The following ULK2 variants were observed in gnomAD, a reference collection of about 807,000 sequenced individuals.
ULK2 encodes unc-51 like autophagy activating kinase 2, also known as serine/threonine-protein kinase ULK2.
A neutral mutation model predicts 127.5 loss-of-function variants in ULK2; 76 were observed. The observed-to-expected ratio is 0.60, with a 90% confidence interval of 0.50 to 0.72. The LOEUF (loss-of-function observed/expected upper bound fraction) is 0.72, where lower values mean the gene tolerates loss of function less well. Among genes scored for constraint, ULK2 ranks in the 30% least tolerant of loss-of-function variants. ULK2 has a pLI of 0.00. For synonymous variants in ULK2, 452 were observed against 461.9 expected, an observed-to-expected ratio of 0.98 and a Z score of 0.28; for missense variants, 1,144 against 1,295.9, an observed-to-expected ratio of 0.88 and a Z score of 1.80.
chr17:19,847,558 T>A (rs1293954542), intron 5 of ULK2, among the ~76,000 whole-genome samples: 1 of 151,488 alleles, frequency 6.6e-6, no homozygotes, highest in Non-Finnish European at 1.5e-5. Context: ...CCGTAAATAT[T>A]TTTTTTTTGA....
At chr17:19,858,310 G>C (rs1285744226) in intron 3 of ULK2, among the ~76,000 whole-genome samples, 1 of 152,108 alleles carries the variant, frequency 6.6e-6, no homozygotes, top group Non-Finnish European at 1.5e-5. Flanking sequence ...TGAGGTGGGA[G>C]GATGGCTTAA....
chr17:19,846,838 T>C lies in ULK2; in HGVS notation c.368A>G (p.His123Arg). 1.2e-6 allele frequency: 2 copies of C among 1,614,056 alleles called. No homozygotes were observed. Among genetic ancestry groups the C allele is most frequent in the Non-Finnish European group, 1.7e-6 (2 of 1,179,982 alleles). ...HQIAAAMRILHSKGIIHRDLK... is the reference protein window; with the variant it reads ...HQIAAAMRILRSKGIIHRDLK... ...ATCTCTGTGGATGATTCCTTTGCTG[T>C]GCAGGATTCGCATGGCAGCAGCAAT... is the stretch of plus-strand genomic sequence containing the variant. Residue 123 changes from histidine (H) to arginine (R), a missense_variant, in exon 6 of 27, where the codon CAC becomes CGC. Transcript: ENST00000395544.
At chr17:19,793,167 T>C (rs1476697551) in intron 20 of ULK2, among the ~76,000 whole-genome samples, 1 of 151,882 alleles carries the variant, frequency 6.6e-6, no homozygotes, top group Non-Finnish European at 1.5e-5. Flanking sequence ...GAAGGAGAAA[T>C]GCCAAGCAAA....
At chr17:19,825,803 A>T (rs1419940957) in intron 11 of ULK2, among the ~76,000 whole-genome samples, 1 of 151,338 alleles carries the variant, frequency 6.6e-6, no homozygotes, top group African/African-American at 2.4e-5. Context: ...CCTGACCAAC[A>T]TGGAGAAACC....
intron 17 of ULK2, among the ~76,000 whole-genome samples, chr17:19,797,909 T>C (rs2087310277): frequency 1.3e-5 from 2 of 152,292 alleles, no homozygotes; most frequent in South Asian, 2.1e-4. Flanking sequence ...TTACAGGTTA[T>C]TAGCTGTTTT....
chr17:19,860,555 C>G (rs1466724113), intron 3 of ULK2, among the ~76,000 whole-genome samples: 3 of 149,316 alleles, frequency 2.0e-5, no homozygotes, highest in Non-Finnish European at 4.4e-5. Flanking sequence ...ACGGAGTTTC[C>G]CTCTTGTTGC....
At chr17:19,779,076 T>A (rs2086864768) in intron 25 of ULK2, among the ~76,000 whole-genome samples, 1 of 152,200 alleles carries the variant, frequency 6.6e-6, no homozygotes, top group South Asian at 2.1e-4. Context: ...TACAGCAATA[T>A]GATATATACT....
At chr17:19,863,233 C>T (rs2042280298) in intron 3 of ULK2, among the ~76,000 whole-genome samples, 1 of 151,542 alleles carries the variant, frequency 6.6e-6, no homozygotes, top group Admixed American at 6.6e-5. Context: ...AAAAGGTTGT[C>T]AAATGAATGA....
intron 12 of ULK2, among the ~76,000 whole-genome samples, chr17:19,823,126 A>ATT (rs3884213): frequency 1.1e-4 from 12 of 113,140 alleles, no homozygotes; most frequent in East Asian, 2.7e-4. Context: ...ACGCCTGGCT[A>ATT]TTTTTTTTTT....
intron 5 of ULK2, chr17:19,848,445 C>T (rs1363995512): frequency 2.0e-5 from 3 of 152,086 alleles, no homozygotes; most frequent in Non-Finnish European, 4.4e-5. Context: ...TTTTACATGT[C>T]CTTAACATCT....
At chr17:19,859,418 C>T (rs2042197853) in intron 3 of ULK2, among the ~76,000 whole-genome samples, 1 of 152,114 alleles carries the variant, frequency 6.6e-6, no homozygotes, top group African/African-American at 2.4e-5. Flanking sequence ...ACTTGGGAGG[C>T]TGAGGCAAGA....
chr17:19,787,893 A>G (rs1160556245), intron 20 of ULK2, among the ~76,000 whole-genome samples: 1 of 152,178 alleles, frequency 6.6e-6, no homozygotes, highest in African/African-American at 2.4e-5. Context: ...CAAGGAAATA[A>G]TCTGTGTACT....
chr17:19,853,962 A>T (rs915997595), intron 3 of ULK2, among the ~76,000 whole-genome samples: 1 of 152,206 alleles, frequency 6.6e-6, no homozygotes, highest in Non-Finnish European at 1.5e-5. Context: ...CACCACAGCA[A>T]ATCAAGTTCT....
chr17:19,849,384 C>T lies in ULK2; in HGVS notation c.280G>A (p.Ala94Thr), dbSNP rs970059365. 28 of 1,608,434 alleles carry T rather than the reference C, an allele frequency of 1.7e-5. No individual in the cohort carries two copies. Among genetic ancestry groups the T allele is most frequent in the Non-Finnish European group, 2.1e-5 (25 of 1,176,782 alleles). Reference protein sequence around the residue: ...VMEYCNGGDLADYLQAKGTLS... With the variant: ...VMEYCNGGDLTDYLQAKGTLS... Reference sequence around the variant, plus strand: ...ACACAGTTACCTTGCAAATAATCTGCGAGGTCTCCACCATTGCAATACTGA... The same window carrying T: ...ACACAGTTACCTTGCAAATAATCTGTGAGGTCTCCACCATTGCAATACTGA... Residue 94 changes from alanine to threonine, a missense_variant, in exon 5 of 27, where the codon GCA becomes ACA. Ala to Thr is a moderately conservative substitution (Grantham distance 58). Around this residue, in one of 2 missense-constraint regions of ULK2, gnomAD observed 231 missense variants for 325.4 expected, o/e 0.71. Transcript: ENST00000395544.
intron 20 of ULK2, among the ~76,000 whole-genome samples, chr17:19,792,394 G>A (rs1310209479): frequency 2.0e-5 from 3 of 152,100 alleles, no homozygotes; most frequent in African/African-American, 4.8e-5. Context: ...ATTATAAAAG[G>A]GCTTGAGGTC....
chr17:19,783,856 C>G lies in ULK2; in HGVS notation c.2301G>C (p.Val767=). The part of the protein sequence containing the change: ...GGSLCAMSGR[V]CVGSPPGPGF... ...CTGGGCCAGGCGGGGACCCCACGCA[C>G]ACGCGGCCACTCATGGCACAAAGAG... Residue 767 remains valine, a synonymous_variant, in exon 22 of 27, where the codon GTG becomes GTC. Transcript: ENST00000395544. The G allele has an allele frequency of 6.3e-7, 1 of 1,583,620 alleles. No individual in the cohort carries two copies. The highest frequency in any genetic ancestry group is 8.6e-7 in the Non-Finnish European group (1 of 1,165,854).
At chr17:19,787,439 A>C (rs1478729225) in intron 20 of ULK2, among the ~76,000 whole-genome samples, 3 of 152,230 alleles carry the variant, frequency 2.0e-5, no homozygotes, top group Admixed American at 2.0e-4. Context: ...GGCGTGAGCC[A>C]CTGCACCCAG....
rs759945123 is a variant in ULK2, at chr17:19,797,674, C to G, written c.1531G>C (p.Val511Leu). 6.6e-7 allele frequency: 1 copy of G among 1,505,940 alleles called. No homozygotes were observed. The highest frequency in any genetic ancestry group is 2.4e-5 in the Admixed American group (1 of 42,332). 93.3% of individuals were successfully genotyped at this position (1,505,940 alleles called of 1,614,324 possible). The change falls in exon 18 of 27, where the codon GTG (valine) becomes CTG (leucine). Residue 511 changes from valine (V) to leucine (L), a missense_variant. By Grantham distance (32) the Val-to-Leu change is conservative. This residue lies in a region of ULK2 where 913 missense variants were observed against 970.5 expected (regional missense o/e 0.94). Coordinates refer to ENST00000395544, the MANE Select transcript of ULK2 (RefSeq NM_014683.4). ...SRSRNSSGSP[V>L]PQAQSPQSLL... ...GACTGTGGGGACTGAGCTTGTGGCA[C>G]TGGAGAACCTAACAAGAAAACAAAT...
chr17:19,818,001 T>TA (rs2041036325), intron 12 of ULK2, among the ~76,000 whole-genome samples: 1 of 152,108 alleles, frequency 6.6e-6, no homozygotes, highest in Non-Finnish European at 1.5e-5. Flanking sequence ...TAGGCACTGT[T>TA]AAAAGAGCTT....
Sources: gnomAD v4.1 joint callset for allele counts (sites outside exome capture counted in the v4.1 genomes callset) on GRCh38, gnomAD v4.1.1 for gene constraint, gnomAD v4.1.1 regional missense constraint, MANE v1.5 for transcripts, NCBI Gene and HGNC (gene_info 2026-07-23, HGNC 2026-07-21) for gene names.